DSG1: variants seen among roughly 807,000 people sequenced by gnomAD.
DSG1 encodes the protein desmoglein 1.
In DSG1, 39 loss-of-function variants were observed where a neutral mutation model predicts 97.5. The ratio of observed to expected loss-of-function variants is 0.40; its 90% CI spans 0.31 to 0.52. DSG1 has a LOEUF of 0.52. DSG1 is among the 20% of genes least tolerant of loss of function. DSG1 has a pLI of 0.53. For synonymous variants in DSG1, 475 were observed against 443.4 expected (o/e 1.07, Z -0.90); for missense variants, 1,311 against 1,295.4 (o/e 1.01, Z -0.18).
At position 31,331,874 on chromosome 18, in the gene DSG1, C is replaced by A. The variant is rs756996552; in HGVS notation, c.684+7C>A. ...TAATTTTCTAGACAGAGAGGTAATTCTTTTTCTTTAAGTGGGTTTTTGGTC... is the reference window on the plus strand; with the variant it reads ...TAATTTTCTAGACAGAGAGGTAATTATTTTTCTTTAAGTGGGTTTTTGGTC... On this transcript the variant is annotated splice_region_variant and intron_variant, in intron 6 of 14. Coordinates refer to ENST00000257192, the MANE Select transcript of DSG1 (RefSeq NM_001942.4). 1.6e-5 allele frequency: 26 copies of A among 1,610,524 alleles called. No individual in the cohort carries two copies. Among genetic ancestry groups the A allele is most frequent in the African/African-American group, 4.0e-5 (3 of 74,764 alleles).
Position 31,356,672 on chromosome 18 carries a change from A to G in DSG1, c.*1326A>G, listed in dbSNP as rs1221162278. The G allele has an allele frequency of 6.6e-6, 1 of 152,166 alleles. No individual in the cohort carries two copies. The highest frequency in any genetic ancestry group is 1.5e-5 in the Non-Finnish European group (1 of 67,998). The allele number at this position is 152,166 out of a possible 1,614,324, so 9.4% of individuals were successfully genotyped here. ...TAATAGAAACCTATTCTGCTAGTTT[A>G]TCTCACCCTCTAATTTTTCTCACTA... On this transcript the variant is annotated 3_prime_UTR_variant, in exon 15 of 15. Coordinates refer to ENST00000257192, the MANE Select transcript of DSG1 (RefSeq NM_001942.4).
intron 13 of DSG1, chr18:31,345,617 T>G: frequency 5.5e-6 from 1 of 182,804 alleles, no homozygotes; most frequent in Non-Finnish European, 1.1e-5. Context: ...GTCCTGTGCT[T>G]CTAGTTATAC....
At chr18:31,334,583 G>A (rs1415280615) in intron 8 of DSG1, among the ~76,000 whole-genome samples, 1 of 152,094 alleles carries the variant, frequency 6.6e-6, no homozygotes, top group Non-Finnish European at 1.5e-5. Context: ...AACATTGTAA[G>A]TCAATTATTA....
Position 31,354,356 on chromosome 18 carries a change from A to T in DSG1, c.2160A>T (p.Ile720=), listed in dbSNP as rs2071931769. The T allele has an allele frequency of 1.2e-6, 2 of 1,614,120 alleles. No individual in the cohort carries two copies. The highest frequency in any genetic ancestry group is 1.1e-5 in the South Asian group (1 of 91,090). ...EGRPSNDCLL[I]YDIEGVGSPA... is the part of the protein sequence containing the mutation. ...GCCCATCTAATGACTGTTTGCTCAT[A>T]TATGACATCGAAGGTGTAGGTTCCC... Residue 720 remains isoleucine (I), a synonymous_variant, in exon 15 of 15, where the codon ATA becomes ATT. Transcript: ENST00000257192.
chr18:31,358,586 A>G lies in DSG1; in HGVS notation c.*3240A>G, dbSNP rs141190434. On this transcript the variant is annotated 3_prime_UTR_variant, in exon 15 of 15. Coordinates refer to ENST00000257192, the MANE Select transcript of DSG1 (RefSeq NM_001942.4). Reference sequence around the variant, plus strand: ...GCAATTTATTTCTGAATTTATACCAATGTTTGATTGTCATGGTACAAAATA... The same window carrying G: ...GCAATTTATTTCTGAATTTATACCAGTGTTTGATTGTCATGGTACAAAATA... Among the ~76,000 whole-genome samples the G allele has an allele frequency of 3.4e-3, 511 of 152,150 alleles. 1 individual carries two copies. Among genetic ancestry groups the G allele is most frequent in the African/African-American group, 0.012 (494 of 41,550 alleles).
At chr18:31,347,864 T>C (rs2071854653) in intron 14 of DSG1, 4 of 151,772 alleles carry the variant, frequency 2.6e-5, no homozygotes, top group South Asian at 4.1e-4. Context: ...AACTCAACTA[T>C]GAACTACTTT....
intron 3 of DSG1, among the ~76,000 whole-genome samples, 193 bp from the exon 4 acceptor site, chr18:31,327,996 G>T (rs1336862653): frequency 6.6e-6 from 1 of 152,132 alleles, no homozygotes; most frequent in Non-Finnish European, 1.5e-5. Context: ...GAATTTCTTT[G>T]ATTACATTGT....
At chr18:31,325,104 G>T (rs2071677914) in intron 1 of DSG1, among the ~76,000 whole-genome samples, 1 of 152,152 alleles carries the variant, frequency 6.6e-6, no homozygotes, top group Admixed American at 6.5e-5. Context: ...GTTTATTCTA[G>T]ACTCTGAGCA....
intron 1 of DSG1, 117 bp from the exon 2 acceptor site, chr18:31,326,464 A>G (rs1319273507): frequency 1.2e-6 from 1 of 811,744 alleles, no homozygotes; most frequent in Non-Finnish European, 2.0e-6. Context: ...GGCTGATAAA[A>G]TAATTTTAAT....
intron 6 of DSG1, among the ~76,000 whole-genome samples, chr18:31,333,135 T>G (rs1424219147): frequency 1.3e-5 from 2 of 152,068 alleles, no homozygotes; most frequent in Non-Finnish European, 2.9e-5. Flanking sequence ...TTGAATAGAG[T>G]CAAGAATAGA....
intron 8 of DSG1, among the ~76,000 whole-genome samples, chr18:31,335,265 C>T (rs906191883): frequency 9.9e-5 from 15 of 152,166 alleles, no homozygotes; most frequent in Admixed American, 9.2e-4. Context: ...CATAAGTTCT[C>T]ATAGCTAGTA....
chr18:31,346,002 A>G lies in DSG1; in HGVS notation c.1904A>G (p.Asn635Ser), dbSNP rs757201834. 2 of 1,613,670 alleles carry G rather than the reference A, an allele frequency of 1.2e-6. No individual in the cohort carries two copies. Among genetic ancestry groups the G allele is most frequent in the South Asian group, 1.1e-5 (1 of 91,054 alleles). Residue 635 changes from asparagine (N) to serine (S), a missense_variant, in exon 14 of 15, where the codon AAT (asparagine) becomes AGT (serine). This residue lies in a region of DSG1 where 1,038 missense variants were observed against 964.6 expected (regional missense o/e 1.08). Coordinates refer to ENST00000257192, the MANE Select transcript of DSG1 (RefSeq NM_001942.4). The part of the protein sequence containing the change: ...ECIDNSGVYT[N>S]EYGGREMQDL... ...TCAACACTTTTAGGAGTTTATACAA[A>G]TGAGTATGGTGGCAGAGAAATGCAA... is the stretch of plus-strand genomic sequence containing the variant.
At chr18:31,321,643 A>C (rs79466030) in intron 1 of DSG1, among the ~76,000 whole-genome samples, 5,754 of 152,270 alleles carry the variant, frequency 0.038, 373 homozygotes, top group African/African-American at 0.13. Flanking sequence ...TTGAGTTGCC[A>C]CAAAGTAAAA....
Position 31,355,461 on chromosome 18 carries a change from C to A in DSG1, c.*115C>A. On this transcript the variant is annotated 3_prime_UTR_variant, in exon 15 of 15. Coordinates refer to ENST00000257192, the MANE Select transcript of DSG1 (RefSeq NM_001942.4). ...ACTTCGTGCTCAGGTCATCTAGGAG[C>A]AAGGTGAGAAATCACAATGAGAAAA... 9.7e-7 allele frequency: 1 copy of A among 1,029,660 alleles called. No individual in the cohort carries two copies. The allele number at this position is 1,029,660 out of a possible 1,614,324, so 63.8% of individuals were successfully genotyped here.
At position 31,326,977 on chromosome 18, in the gene DSG1, A is replaced by G; in HGVS notation, c.188A>G (p.Asp63Gly). Reference sequence around the variant, plus strand: ...GCAGCAGCCTGTCGTGAAGGTGAAGACAACTCAAAGAGGAACCCAATCGCC... The same window carrying G: ...GCAGCAGCCTGTCGTGAAGGTGAAGGCAACTCAAAGAGGAACCCAATCGCC... ...KFAAACREGE[D>G]NSKRNPIAKI... Residue 63 changes from aspartate to glycine, a missense_variant, in exon 3 of 15, where the codon GAC (aspartate) becomes GGC (glycine). Asp to Gly is a moderately conservative substitution (Grantham distance 94, BLOSUM62 -1). Coordinates refer to ENST00000257192, the MANE Select transcript of DSG1 (RefSeq NM_001942.4). The G allele has an allele frequency of 1.2e-6, 2 of 1,614,020 alleles. No individual in the cohort carries two copies. Among genetic ancestry groups the G allele is most frequent in the East Asian group, 2.2e-5 (1 of 44,872 alleles).
At position 31,338,405 on chromosome 18, in the gene DSG1, G is replaced by T. The variant is rs953480332; in HGVS notation, c.1356G>T (p.Gln452His). Residue 452 changes from glutamine (Q) to histidine (H), a missense_variant, in exon 10 of 15, where the codon CAG (glutamine) becomes CAT (histidine). By Grantham distance (24) the Gln-to-His change is conservative. Around this residue, in one of 3 missense-constraint regions of DSG1, gnomAD observed 1,038 missense variants for 964.6 expected, o/e 1.08. Coordinates refer to ENST00000257192, the MANE Select transcript of DSG1 (RefSeq NM_001942.4). Reference sequence around the variant, plus strand: ...TGAAAAATAAAGTTACCAAGGAACAGTACAATATGCTCGGAGGAAAATACC... The same window carrying T: ...TGAAAAATAAAGTTACCAAGGAACATTACAATATGCTCGGAGGAAAATACC... ...LTLKNKVTKE[Q>H]YNMLGGKYQG... 6.2e-7 allele frequency: 1 copy of T among 1,613,606 alleles called. No homozygotes were observed. Among genetic ancestry groups the T allele is most frequent in the Non-Finnish European group, 8.5e-7 (1 of 1,179,726 alleles).
Position 31,336,541 on chromosome 18 carries a change from T to C in DSG1, c.1193T>C (p.Met398Thr), listed in dbSNP as rs754188744. 5.0e-6 allele frequency: 8 copies of C among 1,613,922 alleles called. No individual in the cohort carries two copies. Among genetic ancestry groups the C allele is most frequent in the Non-Finnish European group, 6.8e-6 (8 of 1,179,948 alleles). Residue 398 changes from methionine to threonine, a missense_variant, in exon 9 of 15, where the codon ATG (methionine) becomes ACG (threonine). By Grantham distance (81) the Met-to-Thr change is moderately conservative. Around this residue, in one of 3 missense-constraint regions of DSG1, gnomAD observed 1,038 missense variants for 964.6 expected, o/e 1.08. Transcript: ENST00000257192. ...AAGACATATGTTGTAACTGGTAATA[T>C]GGGATCAAATGATAAAGTGGGAGAC... ...GSKTYVVTGN[M>T]GSNDKVGDFV...
At chr18:31,328,089 C>G (rs1240191286) in intron 3 of DSG1, 100 bp from the exon 4 acceptor site, 1 of 1,238,988 alleles carries the variant, frequency 8.1e-7, no homozygotes, top group Non-Finnish European at 1.1e-6. Context: ...TCCTAAATAA[C>G]AAGGTCATCA....
chr18:31,343,527 T>G lies in DSG1; in HGVS notation c.1765T>G (p.Cys589Gly), dbSNP rs1216730930. 7.4e-6 allele frequency: 12 copies of G among 1,614,156 alleles called. No individual in the cohort carries two copies. Among genetic ancestry groups the G allele is most frequent in the Non-Finnish European group, 9.3e-6 (11 of 1,180,026 alleles). Residue 589 changes from cysteine to glycine, a missense_variant, in exon 12 of 15, where the codon TGT (cysteine) becomes GGT (glycine). Around this residue, in one of 3 missense-constraint regions of DSG1, gnomAD observed 1,038 missense variants for 964.6 expected, o/e 1.08. Transcript: ENST00000257192. ...AGCTGGCTTTGAGCCTGTTCCCGAA[T>G]GTTCAGATGGAGCAATTCATTCATG... ...SAAGFEPVPE[C>G]SDGAIHSWAV...
Sources: gnomAD v4.1 joint callset for allele counts (sites outside exome capture counted in the v4.1 genomes callset) on GRCh38, gnomAD v4.1.1 for gene constraint, gnomAD v4.1.1 regional missense constraint, MANE v1.5 for transcripts, NCBI Gene and HGNC (gene_info 2026-07-23, HGNC 2026-07-21) for gene names.